Variants in MAGI2 observed in about 807,000 individuals in gnomAD.
MAGI2 encodes the protein membrane associated guanylate kinase, WW and PDZ domain containing 2.
A neutral mutation model predicts 133.3 loss-of-function variants in MAGI2; 35 were observed. The ratio of observed to expected loss-of-function variants is 0.26; its 90% CI spans 0.20 to 0.35. The LOEUF (loss-of-function observed/expected upper bound fraction) is 0.35, where lower values mean the gene tolerates loss of function less well. Among genes scored for constraint, MAGI2 ranks in the 10% least tolerant of loss-of-function variants. The pLI, the probability that MAGI2 is intolerant of heterozygous loss-of-function variation, is 1.00. For synonymous variants in MAGI2, 729 were observed against 710.6 expected, an observed-to-expected ratio of 1.03 and a Z score of -0.41; for missense variants, 1,636 against 1,863.4, an observed-to-expected ratio of 0.88 and a Z score of 2.25.
chr7:78,587,451 T>TA (rs890346910), intron 3 of MAGI2, among the ~76,000 whole-genome samples: 9 of 152,182 alleles, frequency 5.9e-5, no homozygotes, highest in East Asian at 1.9e-4. Context: ...TGCAGTTCAT[T>TA]AAAAAAAAGT....
At chr7:78,610,101 G>A (rs1266154410) in intron 3 of MAGI2, among the ~76,000 whole-genome samples, 2 of 152,102 alleles carry the variant, frequency 1.3e-5, no homozygotes, top group Non-Finnish European at 2.9e-5. Flanking sequence ...CTGGATCTGT[G>A]AATCTTGGCT....
chr7:79,334,827 CTCTATCCA>C (rs981579774), intron 1 of MAGI2, among the ~76,000 whole-genome samples: 26 of 152,132 alleles, frequency 1.7e-4, no homozygotes, highest in South Asian at 2.1e-4. Flanking sequence ...AATTCTAGTA[CTCTATCCA>C]TCTATCCATC....
Position 78,265,080 on chromosome 7 carries a change from GTT to G in MAGI2, c.1409-8501_1409-8500del, listed in dbSNP as rs5885047. On this transcript the variant is annotated intron_variant, in intron 9 of 21. Coordinates refer to ENST00000354212, the MANE Select transcript of MAGI2 (RefSeq NM_012301.4). ...AGTGCAGATGCTTAATTAAAAGCTT[GTT>G]TTTTTTTTTTAAATTATGATTAAGC... 5.8e-3 allele frequency among the ~76,000 whole-genome samples: 844 copies of G among 145,548 alleles called. 5 individuals are homozygous for G. The highest frequency in any genetic ancestry group is 0.019 in the African/African-American group (770 of 40,254).
intron 1 of MAGI2, among the ~76,000 whole-genome samples, chr7:79,077,269 C>CT (rs539496545): frequency 2.0e-4 from 30 of 152,054 alleles, no homozygotes; most frequent in African/African-American, 7.0e-4. Context: ...AAGAAATTCC[C>CT]TTTTTTGGGC....
chr7:78,404,783 C>A (rs962905814), intron 6 of MAGI2, among the ~76,000 whole-genome samples: 1 of 152,076 alleles, frequency 6.6e-6, no homozygotes, highest in African/African-American at 2.4e-5. Context: ...TCTAAAATAC[C>A]TAAAGCAATG....
intron 2 of MAGI2, among the ~76,000 whole-genome samples, chr7:78,995,783 T>A (rs895555694): frequency 4.6e-5 from 7 of 152,170 alleles, no homozygotes; most frequent in African/African-American, 1.7e-4. Flanking sequence ...CTTATGGTTC[T>A]GACTTTCCAG....
chr7:78,298,324 G>C (rs1797497513), intron 9 of MAGI2, among the ~76,000 whole-genome samples: 1 of 152,114 alleles, frequency 6.6e-6, no homozygotes, highest in Admixed American at 6.5e-5. Flanking sequence ...GACAGAAAAA[G>C]AACATTAAGT....
intron 1 of MAGI2, among the ~76,000 whole-genome samples, chr7:79,423,479 C>T (rs987583235): frequency 3.9e-5 from 6 of 151,946 alleles, no homozygotes; most frequent in East Asian, 1.9e-4. Context: ...TACTCAATAT[C>T]CAGCCCTCTA....
chr7:78,659,103 T>C (rs1812627402), intron 2 of MAGI2, among the ~76,000 whole-genome samples: 1 of 152,040 alleles, frequency 6.6e-6, no homozygotes, highest in African/African-American at 2.4e-5. Context: ...CGAACTATGG[T>C]ACAACCATAC....
At chr7:78,674,175 T>A (rs1251006715) in intron 2 of MAGI2, among the ~76,000 whole-genome samples, 1 of 152,148 alleles carries the variant, frequency 6.6e-6, no homozygotes, top group African/African-American at 2.4e-5. Flanking sequence ...AGAGGCTTTT[T>A]TTTGCATAGT....
chr7:78,293,664 A>G (rs1235417573), intron 9 of MAGI2, among the ~76,000 whole-genome samples: 2 of 152,246 alleles, frequency 1.3e-5, no homozygotes, highest in Non-Finnish European at 2.9e-5. Context: ...TATTCACAAT[A>G]GCAAAGACTT....
intron 3 of MAGI2, among the ~76,000 whole-genome samples, chr7:78,558,235 C>A (rs1427092291): frequency 6.6e-6 from 1 of 152,034 alleles, no homozygotes; most frequent in Admixed American, 6.6e-5. Context: ...AAACAGAGAA[C>A]AAAGAAAGAG....
chr7:78,474,622 T>C (rs186756503), intron 6 of MAGI2, among the ~76,000 whole-genome samples: 1 of 151,992 alleles, frequency 6.6e-6, no homozygotes, highest in East Asian at 1.9e-4. Flanking sequence ...AAATTCTCTG[T>C]ACAAAATAAA....
chr7:79,066,396 C>T (rs1343194783), intron 1 of MAGI2, among the ~76,000 whole-genome samples: 1 of 151,708 alleles, frequency 6.6e-6, no homozygotes. Flanking sequence ...ATATCCTTCA[C>T]CCACTTTTTG....
chr7:79,025,171 C>CATTTTTTATGATCT (rs1331619753), intron 1 of MAGI2, among the ~76,000 whole-genome samples: 3 of 151,986 alleles, frequency 2.0e-5, no homozygotes, highest in African/African-American at 7.2e-5. Context: ...TACCATGCAG[C>CATTTTTTATGATCT]CATAAAAAAA....
At chr7:78,639,380 C>A (rs982192473) in intron 2 of MAGI2, among the ~76,000 whole-genome samples, 35 of 151,878 alleles carry the variant, frequency 2.3e-4, no homozygotes, top group African/African-American at 7.7e-4. Flanking sequence ...TACACACATA[C>A]CAAATTATCA....
chr7:79,026,882 GA>G (rs34358830), intron 1 of MAGI2, among the ~76,000 whole-genome samples: 1 of 149,708 alleles, frequency 6.7e-6, no homozygotes, highest in Non-Finnish European at 1.5e-5. Context: ...AAAGAAAAAA[GA>G]AAAAAAAATG....
chr7:79,236,948 G>C (rs886573148), intron 1 of MAGI2, among the ~76,000 whole-genome samples: 1 of 152,186 alleles, frequency 6.6e-6, no homozygotes, highest in Non-Finnish European at 1.5e-5. Context: ...AGGAGACTGA[G>C]GTGGGAGGAT....
In MAGI2 at chr7:79,236,443, G is replaced by A. The variant is rs187544212; in HGVS notation, c.301+216577C>T. On this transcript the variant is annotated intron_variant, in intron 1 of 21. Coordinates refer to ENST00000354212, the MANE Select transcript of MAGI2 (RefSeq NM_012301.4). Reference sequence around the variant, plus strand: ...AAAACAATCATTGCTCAATAATTGCGTATAAGGCTGGTTTTATGAAAAAGA... The same window carrying A: ...AAAACAATCATTGCTCAATAATTGCATATAAGGCTGGTTTTATGAAAAAGA... Among the ~76,000 whole-genome samples the A allele has an allele frequency of 1.2e-3, 186 of 152,302 alleles. 1 individual carries two copies. Among genetic ancestry groups the A allele is most frequent in the Non-Finnish European group, 2.2e-3 (151 of 68,020 alleles).
Sources: allele counts gnomAD v4.1 joint callset (sites outside exome capture counted in the v4.1 genomes callset), GRCh38; gene constraint gnomAD v4.1.1; transcripts MANE v1.5; gene names NCBI Gene and HGNC (gene_info 2026-07-23, HGNC 2026-07-21).